PHAF1: variants seen among roughly 807,000 people sequenced by gnomAD.
The protein encoded by PHAF1 is phagosome assembly factor 1.
PHAF1 carries 23 observed loss-of-function variants against 63.1 expected under a neutral mutation model. That is an observed-to-expected ratio of 0.36 (90% CI 0.26 to 0.52). PHAF1 has a LOEUF of 0.52. PHAF1 is among the 20% of genes least tolerant of loss of function. The pLI is 0.93. For synonymous variants in PHAF1, 167 were observed against 185.0 expected (o/e 0.90, Z 0.79); for missense variants, 427 against 517.2 (o/e 0.83, Z 1.69).
Position 67,145,497 on chromosome 16 carries a change from C to G in PHAF1, c.1051-73C>G, listed in dbSNP as rs550826341. On this transcript the variant is annotated intron_variant, in intron 13 of 15. Transcript: ENST00000219139. Reference sequence around the variant, plus strand: ...CCTGCAGGCAGTATGGGGCTGTGTCCTCTAGGCCAGCCATTGGTCACAGAC... The same window carrying G: ...CCTGCAGGCAGTATGGGGCTGTGTCGTCTAGGCCAGCCATTGGTCACAGAC... 3.1e-5 allele frequency: 50 copies of G among 1,611,950 alleles called. No homozygotes were observed. The East Asian group carries it at 9.4e-4, about 30-fold the overall frequency.
In PHAF1 at chr16:67,140,031, C is replaced by G; in HGVS notation, c.709C>G (p.Arg237Gly). 1 of 1,614,054 alleles carries G rather than the reference C, an allele frequency of 6.2e-7. No individual in the cohort carries two copies. Among genetic ancestry groups the G allele is most frequent in the Non-Finnish European group, 8.5e-7 (1 of 1,179,982 alleles). Residue 237 changes from arginine to glycine, a missense_variant, in exon 9 of 16, where the codon CGT becomes GGT. Physicochemically the swap from Arg to Gly is moderately radical, Grantham distance 125. Coordinates refer to ENST00000219139, the MANE Select transcript of PHAF1 (RefSeq NM_025187.5). ...LADAKMRVFE[R>G]SVYFGDSCQD... ...AGATGCCAAGATGCGGGTATTTGAACGTTCAGTGTATTTTGGTGATTCCTG... is the reference window on the plus strand; with the variant it reads ...AGATGCCAAGATGCGGGTATTTGAAGGTTCAGTGTATTTTGGTGATTCCTG...
rs752922473 is a variant in PHAF1 at position 67,147,044 on chromosome 16, G to C, written c.1183-1G>C. On this transcript the variant is annotated splice_acceptor_variant, in intron 15 of 15. Coordinates refer to ENST00000219139, the MANE Select transcript of PHAF1 (RefSeq NM_025187.5). LOFTEE classifies it high-confidence loss of function. Reference sequence around the variant, plus strand: ...GACCCACTGTCCTCTTCTCACACCAGGTCATGCAGAACAACCACATTGCCT... The same window carrying C: ...GACCCACTGTCCTCTTCTCACACCACGTCATGCAGAACAACCACATTGCCT... 6.2e-7 allele frequency: 1 copy of C among 1,613,336 alleles called. No homozygotes were observed. Among genetic ancestry groups the C allele is most frequent in the Non-Finnish European group, 8.5e-7 (1 of 1,179,368 alleles).
At chr16:67,130,346 CTTTT>C (rs34430310) in intron 3 of PHAF1, among the ~76,000 whole-genome samples, 1 of 74,974 alleles carries the variant, frequency 1.3e-5, no homozygotes. Context: ...CGTGCCCGGC[CTTTT>C]TTTTTTTTTT....
rs923829684 is a variant in PHAF1 at position 67,147,613 on chromosome 16, C to T, written c.*482C>T. ...ATTTGCACTACATCCACTTTAGTTACTTGATGAGCTGGCTGTGGCCAGGGT... is the reference window on the plus strand; with the variant it reads ...ATTTGCACTACATCCACTTTAGTTATTTGATGAGCTGGCTGTGGCCAGGGT... On this transcript the variant is annotated 3_prime_UTR_variant, in exon 16 of 16. Coordinates refer to ENST00000219139, the MANE Select transcript of PHAF1 (RefSeq NM_025187.5). 2 of 154,852 alleles carry T rather than the reference C, an allele frequency of 1.3e-5. No individual in the cohort carries two copies. The highest frequency in any genetic ancestry group is 1.4e-5 in the Non-Finnish European group (1 of 69,580). The allele number at this position is 154,852 out of a possible 1,614,324, so 9.6% of individuals were successfully genotyped here.
rs1693484240 is a variant in PHAF1, at chr16:67,126,010, C to T, written c.199C>T (p.Leu67=). The T allele has an allele frequency of 6.2e-7, 1 of 1,613,048 alleles. No homozygotes were observed. Among genetic ancestry groups the T allele is most frequent in the Non-Finnish European group, 8.5e-7 (1 of 1,179,542 alleles). The part of the protein sequence containing the change: ...ILNLTQDGIK[L]MFDAFNQRLK... The stretch of plus-strand genomic sequence containing the variant: ...TAACCTGACTCAGGACGGGATCAAA[C>T]TAATGTTTGATGCTTTCAATCAGAG... Residue 67 remains leucine (L), a synonymous_variant, in exon 3 of 16, where the codon CTA becomes TTA. Transcript: ENST00000219139.
chr16:67,110,283 G>C, intron 1 of PHAF1, 44 bp downstream of exon 1: 1 of 1,544,726 alleles, frequency 6.5e-7, no homozygotes, highest in Non-Finnish European at 8.8e-7. Context: ...GCTGATCCTT[G>C]CTTTCTCCTG....
intron 3 of PHAF1, among the ~76,000 whole-genome samples, chr16:67,128,417 T>C (rs569531000): frequency 4.6e-5 from 7 of 152,140 alleles, no homozygotes; most frequent in Non-Finnish European, 1.0e-4. Flanking sequence ...CACCCAGGTG[T>C]TTTTGATTGG....
At chr16:67,129,085 A>G (rs1207815536) in intron 3 of PHAF1, among the ~76,000 whole-genome samples, 1 of 152,182 alleles carries the variant, frequency 6.6e-6, no homozygotes, top group Non-Finnish European at 1.5e-5. Flanking sequence ...TCTGCTAGAC[A>G]AGGCTCTGGC....
intron 1 of PHAF1, among the ~76,000 whole-genome samples, chr16:67,118,556 TG>T (rs958552752): frequency 2.0e-5 from 3 of 149,856 alleles, no homozygotes; most frequent in Non-Finnish European, 4.4e-5. Flanking sequence ...AGGTTGGTCT[TG>T]AACTTCTAAC....
In PHAF1 at chr16:67,110,032, C is replaced by A; in HGVS notation, c.-144C>A. 2 of 795,512 alleles carry A rather than the reference C, an allele frequency of 2.5e-6. No individual in the cohort carries two copies. Among genetic ancestry groups the A allele is most frequent in the Non-Finnish European group, 2.0e-6 (1 of 495,024 alleles). 49.3% of individuals were successfully genotyped at this position (795,512 alleles called of 1,614,324 possible). A position where few individuals can be genotyped will look rare whatever the true frequency, so the allele number is the denominator to read the frequency against. ...GAGGTGTGGTGTTGGGCCGGTGCTG[C>A]TGCCGCTGCCGCCGGGGAGGAGGTG... is the stretch of plus-strand genomic sequence containing the variant. On this transcript the variant is annotated 5_prime_UTR_variant, in exon 1 of 16. In the 5' UTR this introduces an upstream ATG that the reference lacks. Coordinates refer to ENST00000219139, the MANE Select transcript of PHAF1 (RefSeq NM_025187.5).
intron 10 of PHAF1, 66 bp downstream of exon 10, chr16:67,140,660 C>G (rs1963775352): frequency 8.3e-7 from 1 of 1,205,880 alleles, no homozygotes; most frequent in South Asian, 1.2e-5. Context: ...CTTTGCAGAT[C>G]TGTGTGTCCA....
intron 1 of PHAF1, among the ~76,000 whole-genome samples, chr16:67,117,030 T>C (rs1034450644): frequency 1.3e-5 from 2 of 151,846 alleles, no homozygotes; most frequent in South Asian, 2.1e-4. Context: ...TAATGGACTC[T>C]GGAAACAAAC....
Position 67,148,178 on chromosome 16 carries a change from ATG to A in PHAF1, c.*1053_*1054del, listed in dbSNP as rs1161775906. On this transcript the variant is annotated 3_prime_UTR_variant, in exon 16 of 16. Coordinates refer to ENST00000219139, the MANE Select transcript of PHAF1 (RefSeq NM_025187.5). Reference sequence around the variant, plus strand: ...GATGACAATTTTGTGAGTTTTTCAAATGTGTGTACAGATTTTTGTAAATATGA... The same window carrying A: ...GATGACAATTTTGTGAGTTTTTCAAATGTGTACAGATTTTTGTAAATATGA... 1 of 152,678 alleles carries A rather than the reference ATG, an allele frequency of 6.5e-6. No individual in the cohort carries two copies. The highest frequency in any genetic ancestry group is 2.4e-5 in the African/African-American group (1 of 41,458). The allele number at this position is 152,678 out of a possible 1,614,324, so 9.5% of individuals were successfully genotyped here.
At chr16:67,112,164 A>G (rs916829948) in intron 1 of PHAF1, among the ~76,000 whole-genome samples, 1 of 151,874 alleles carries the variant, frequency 6.6e-6, no homozygotes, top group African/African-American at 2.4e-5. Flanking sequence ...GATAAAAACC[A>G]CAACCATAGC....
intron 10 of PHAF1, among the ~76,000 whole-genome samples, chr16:67,143,633 G>A (rs1233995310): frequency 6.6e-6 from 1 of 152,154 alleles, no homozygotes; most frequent in Non-Finnish European, 1.5e-5. Context: ...CCTACTGTGT[G>A]CCAGGCACTA....
In PHAF1 at chr16:67,145,571, G is replaced by A. The variant is rs748006357; in HGVS notation, c.1052G>A (p.Trp351Ter). Residue 351 changes from tryptophan to a stop codon, truncating the protein, a stop_gained and splice_region_variant, in exon 14 of 16, where the codon TGG (tryptophan) becomes TAG (stop). Coordinates refer to ENST00000219139, the MANE Select transcript of PHAF1 (RefSeq NM_025187.5). LOFTEE classifies it high-confidence loss of function. ...TGCTCCCCTCTATCCCTCTTGCAGT[G>A]GGACAACATCCAGGAGCTCCTGGGC... ...QTETCTTYSK[W>*]DNIQELLGHP... 1 of 1,614,026 alleles carries A rather than the reference G, an allele frequency of 6.2e-7. No homozygotes were observed.
intron 3 of PHAF1, among the ~76,000 whole-genome samples, chr16:67,129,568 A>G (rs181711084): frequency 4.5e-4 from 69 of 152,388 alleles, no homozygotes; most frequent in South Asian, 8.3e-4. Flanking sequence ...GTTCCTGCAT[A>G]CAATGCCCCA....
rs772278818 is a variant in PHAF1 at position 67,144,824 on chromosome 16, TTC to T, written c.963-4_963-3del. On this transcript the variant is annotated splice_polypyrimidine_tract_variant and splice_region_variant and intron_variant, in intron 11 of 15. Transcript: ENST00000219139. Reference sequence around the variant, plus strand: ...GAGGCCCAGCCTTTACCCATTTGCCTTCTCTCTAGTTATCATCGCTGTGAGTT... The same window carrying T: ...GAGGCCCAGCCTTTACCCATTTGCCTTCTCTAGTTATCATCGCTGTGAGTT... The T allele has an allele frequency of 6.2e-7, 1 of 1,614,058 alleles. No homozygotes were observed. The highest frequency in any genetic ancestry group is 8.5e-7 in the Non-Finnish European group (1 of 1,179,932).
intron 8 of PHAF1, 190 bp downstream of exon 8, chr16:67,134,657 G>A (rs1963543265): frequency 7.3e-6 from 5 of 684,624 alleles, no homozygotes; most frequent in African/African-American, 7.1e-5. Flanking sequence ...CAAGATCAAG[G>A]CACTGGCAGA....
Sources: allele counts gnomAD v4.1 joint callset (sites outside exome capture counted in the v4.1 genomes callset), GRCh38; gene constraint gnomAD v4.1.1; transcripts MANE v1.5; gene names NCBI Gene and HGNC (gene_info 2026-07-23, HGNC 2026-07-21).